Variants in ZNF546 observed in about 807,000 individuals in gnomAD.
ZNF546 encodes the protein zinc finger protein 546, also known as CTC-471F3.6.
In ZNF546, 60 loss-of-function variants were observed where a neutral mutation model predicts 76.2. That is an observed-to-expected ratio of 0.79 (90% CI 0.64 to 0.98). The LOEUF is 0.98. Among genes scored for constraint, ZNF546 ranks in the 50% least tolerant of loss-of-function variants. The pLI, the probability that ZNF546 is intolerant of heterozygous loss-of-function variation, is 0.00. For missense variants in ZNF546, 936 were observed against 1,035.6 expected, an observed-to-expected ratio of 0.90 and a Z score of 1.32; for synonymous variants, 277 against 328.1, an observed-to-expected ratio of 0.84 and a Z score of 1.68.
chr19:40,000,834 G>T (rs1436282789), intron 3 of ZNF546, among the ~76,000 whole-genome samples: 1 of 151,906 alleles, frequency 6.6e-6, no homozygotes, highest in East Asian at 1.9e-4. Context: ...GAGGGAGATG[G>T]TTTCAGGATG....
intron 6 of ZNF546, 138 bp from the exon 7 acceptor site, chr19:40,013,527 A>G: frequency 5.0e-6 from 4 of 800,322 alleles, no homozygotes; most frequent in Non-Finnish European, 7.5e-6. Context: ...GCTCTAAACC[A>G]TTTATTTCTA....
At position 40,015,002 on chromosome 19, in the gene ZNF546, G is replaced by A; in HGVS notation, c.1732G>A (p.Glu578Lys). Residue 578 changes from glutamate (E) to lysine (K), a missense_variant, in exon 7 of 7, where the codon GAG (glutamate) becomes AAG (lysine). By Grantham distance (56) the Glu-to-Lys change is moderately conservative (BLOSUM62 1). Transcript: ENST00000347077. The stretch of plus-strand genomic sequence containing the variant: ...TTCACACCAGCGAATTCACACCAGT[G>A]AGAGCACCTACATATGTAAAGAATG... ...FISHQRIHTS[E>K]STYICKECGK... The A allele has an allele frequency of 3.7e-6, 6 of 1,614,102 alleles. No homozygotes were observed. Among genetic ancestry groups the A allele is most frequent in the Middle Eastern group, 1.6e-4 (1 of 6,062 alleles).
At chr19:39,997,206 G>C (rs1310674746) in intron 1 of ZNF546, 49 bp downstream of exon 1, 1 of 152,330 alleles carries the variant, frequency 6.6e-6, no homozygotes, top group Non-Finnish European at 1.5e-5. Context: ...TAGAACTGCC[G>C]CCCAAAGTGA....
Position 40,007,279 on chromosome 19 carries a change from T to C in ZNF546, c.177T>C (p.Ser59=). The change falls in exon 5 of 7, where the codon TCT becomes TCC. Residue 59 remains serine, a synonymous_variant. Coordinates refer to ENST00000347077, the MANE Select transcript of ZNF546 (RefSeq NM_178544.5). The stretch of plus-strand genomic sequence containing the variant: ...ACATAGGCTTGTCATTTCAGGTATC[T>C]TTGGCATTTAGGGATGTGTCCATAG... The part of the protein sequence containing the change: ...SCGSKTMANV[S]LAFRDVSIDL... 6.5e-7 allele frequency: 1 copy of C among 1,544,304 alleles called. No homozygotes were observed.
At chr19:39,999,878 A>G (rs1483815291) in intron 3 of ZNF546, 1 of 152,150 alleles carries the variant, frequency 6.6e-6, no homozygotes, top group Non-Finnish European at 1.5e-5. Flanking sequence ...TGCCCGACCT[A>G]TTTCAGCAAG....
chr19:39,998,694 T>C (rs73546001), intron 3 of ZNF546: 20,575 of 409,086 alleles, frequency 0.05, 1,018 homozygotes, highest in East Asian at 0.15. Context: ...TTGAGATTTA[T>C]TTTTATACAG....
Position 40,014,103 on chromosome 19 carries a change from G to T in ZNF546, c.833G>T (p.Cys278Phe), listed in dbSNP as rs895188739. The part of the protein sequence containing the change: ...AGERPYECKE[C>F]GKAFRLHYHL... ...GAGAGACCCTATGAATGTAAAGAAT[G>T]TGGGAAGGCCTTTAGACTTCATTAT... Residue 278 changes from cysteine (C) to phenylalanine (F), a missense_variant, in exon 7 of 7, where the codon TGT (cysteine) becomes TTT (phenylalanine). By Grantham distance (205) the Cys-to-Phe change is radical. Coordinates refer to ENST00000347077, the MANE Select transcript of ZNF546 (RefSeq NM_178544.5). 1 of 1,613,842 alleles carries T rather than the reference G, an allele frequency of 6.2e-7. No homozygotes were observed. Among genetic ancestry groups the T allele is most frequent in the African/African-American group, 1.3e-5 (1 of 74,922 alleles).
intron 3 of ZNF546, among the ~76,000 whole-genome samples, chr19:40,002,052 C>G (rs1971537457): frequency 6.6e-6 from 1 of 152,152 alleles, no homozygotes; most frequent in Admixed American, 6.5e-5. Context: ...AATCTGACAA[C>G]AGAGTTTGTG....
chr19:40,005,304 G>C (rs944634025), intron 3 of ZNF546, among the ~76,000 whole-genome samples: 1 of 151,304 alleles, frequency 6.6e-6, no homozygotes, highest in Non-Finnish European at 1.5e-5. Context: ...ACAGGTGTGA[G>C]CCACCGCGCC....
At position 40,015,898 on chromosome 19, in the gene ZNF546, A is replaced by G. The variant is rs1971759876; in HGVS notation, c.*117A>G. ...TTTTACTTCATGCTCACAATTTATC[A>G]GAAATTATTTCGTATGTTAAAGAGT... On this transcript the variant is annotated 3_prime_UTR_variant, in exon 7 of 7. Coordinates refer to ENST00000347077, the MANE Select transcript of ZNF546 (RefSeq NM_178544.5). The G allele has an allele frequency of 2.1e-6, 2 of 941,594 alleles. No individual in the cohort carries two copies. The highest frequency in any genetic ancestry group is 1.5e-5 in the South Asian group (1 of 67,640). 58.3% of individuals were successfully genotyped at this position (941,594 alleles called of 1,614,324 possible). A position where few individuals can be genotyped will look rare whatever the true frequency, so the allele number is the denominator to read the frequency against.
chr19:40,010,334 C>T (rs755064014), intron 6 of ZNF546, among the ~76,000 whole-genome samples: 8 of 149,990 alleles, frequency 5.3e-5, no homozygotes, highest in Non-Finnish European at 1.0e-4. Context: ...ACCCTGGAGG[C>T]AGAGGTTGCA....
chr19:40,001,604 C>T lies in ZNF546; in HGVS notation c.84+3194C>T, dbSNP rs189869571. Among the ~76,000 whole-genome samples the T allele has an allele frequency of 8.0e-3, 1,212 of 152,168 alleles. 15 individuals are homozygous for T. Among genetic ancestry groups the T allele is most frequent in the African/African-American group, 0.028 (1,159 of 41,492 alleles). On this transcript the variant is annotated intron_variant, in intron 3 of 6. Coordinates refer to ENST00000347077, the MANE Select transcript of ZNF546 (RefSeq NM_178544.5). ...CTTGAACTCCTGACCTCAGGTGATC[C>T]ACCCACCTCAGCCTCCCAAAGTGCT... is the stretch of plus-strand genomic sequence containing the variant.
Position 40,007,283 on chromosome 19 carries a change from G to A in ZNF546, c.181G>A (p.Ala61Thr). Reference protein sequence around the residue: ...GSKTMANVSLAFRDVSIDLSQ... With the variant: ...GSKTMANVSLTFRDVSIDLSQ... ...AGGCTTGTCATTTCAGGTATCTTTG[G>A]CATTTAGGGATGTGTCCATAGACCT... The change falls in exon 5 of 7, where the codon GCA (alanine) becomes ACA (threonine). Residue 61 changes from alanine (A) to threonine (T), a missense_variant. Physicochemically the swap from Ala to Thr is moderately conservative, Grantham distance 58. Coordinates refer to ENST00000347077, the MANE Select transcript of ZNF546 (RefSeq NM_178544.5). 6.5e-7 allele frequency: 1 copy of A among 1,541,242 alleles called. No homozygotes were observed. Among genetic ancestry groups the A allele is most frequent in the Non-Finnish European group, 8.8e-7 (1 of 1,141,752 alleles).
chr19:39,998,714 T>C (rs1012194154), intron 3 of ZNF546, among the ~76,000 whole-genome samples: 1 of 152,216 alleles, frequency 6.6e-6, no homozygotes, highest in African/African-American at 2.4e-5. Context: ...GAGTTAGTCA[T>C]AAGAATAAAA....
At chr19:40,004,094 T>A (rs1390859059) in intron 3 of ZNF546, among the ~76,000 whole-genome samples, 6 of 143,040 alleles carry the variant, frequency 4.2e-5, no homozygotes, top group East Asian at 3.9e-4. Flanking sequence ...ACTATATTAA[T>A]ATATAAATAT....
Position 40,016,669 on chromosome 19 carries a change from A to G in ZNF546, c.*888A>G, listed in dbSNP as rs1307531570. The G allele has an allele frequency of 2.6e-5, 4 of 152,228 alleles. No individual in the cohort carries two copies. The highest frequency in any genetic ancestry group is 4.8e-5 in the African/African-American group (2 of 41,456). The allele number at this position is 152,228 out of a possible 1,614,324, so 9.4% of individuals were successfully genotyped here. A position where few individuals can be genotyped will look rare whatever the true frequency, so the allele number is the denominator to read the frequency against. Reference sequence around the variant, plus strand: ...TTCTAAATACTTGCTCTTGGTATCTATAACTTTTGCAGAGACCAGAAGCAA... The same window carrying G: ...TTCTAAATACTTGCTCTTGGTATCTGTAACTTTTGCAGAGACCAGAAGCAA... On this transcript the variant is annotated 3_prime_UTR_variant, in exon 7 of 7. Coordinates refer to ENST00000347077, the MANE Select transcript of ZNF546 (RefSeq NM_178544.5).
chr19:40,015,252 G>C lies in ZNF546; in HGVS notation c.1982G>C (p.Gly661Ala). 6.2e-7 allele frequency: 1 copy of C among 1,614,080 alleles called. No homozygotes were observed. Among genetic ancestry groups the C allele is most frequent in the Non-Finnish European group, 8.5e-7 (1 of 1,179,994 alleles). The change falls in exon 7 of 7, where the codon GGT becomes GCT. Residue 661 changes from glycine to alanine, a missense_variant. By Grantham distance (60) the Gly-to-Ala change is moderately conservative. Coordinates refer to ENST00000347077, the MANE Select transcript of ZNF546 (RefSeq NM_178544.5). ...ACGCAACATCACAGAATTCATACTGGTGAGAAACCCTACGAATGTACGGAA... is the reference window on the plus strand; with the variant it reads ...ACGCAACATCACAGAATTCATACTGCTGAGAAACCCTACGAATGTACGGAA... ...HLTQHHRIHT[G>A]EKPYECTECG...
intron 6 of ZNF546, among the ~76,000 whole-genome samples, chr19:40,008,910 T>C (rs1329812032): frequency 6.6e-6 from 1 of 152,240 alleles, no homozygotes; most frequent in African/African-American, 2.4e-5. Context: ...GTTTTATTCA[T>C]CAAATATTTC....
chr19:40,006,200 T>G lies in ZNF546; in HGVS notation c.171+18T>G. 3 of 1,596,566 alleles carry G rather than the reference T, an allele frequency of 1.9e-6. No individual in the cohort carries two copies. Among genetic ancestry groups the G allele is most frequent in the Non-Finnish European group, 2.6e-6 (3 of 1,165,898 alleles). ...TGGCCAATGTAAGTTTGTGTTTTTCTTCCTTGAAATACTGTGTTTTTAAAT... is the reference window on the plus strand; with the variant it reads ...TGGCCAATGTAAGTTTGTGTTTTTCGTCCTTGAAATACTGTGTTTTTAAAT... On this transcript the variant is annotated intron_variant, in intron 4 of 6. Transcript: ENST00000347077.
Sources: allele counts gnomAD v4.1 joint callset (sites outside exome capture counted in the v4.1 genomes callset), GRCh38; gene constraint gnomAD v4.1.1; transcripts MANE v1.5; gene names NCBI Gene and HGNC (gene_info 2026-07-23, HGNC 2026-07-21).